ZNF438: variants seen among roughly 807,000 people sequenced by gnomAD.
ZNF438 encodes zinc finger protein 438.
ZNF438 carries 25 observed loss-of-function variants against 38.0 expected under a neutral mutation model. That is an observed-to-expected ratio of 0.66 (90% CI 0.48 to 0.92). The LOEUF (loss-of-function observed/expected upper bound fraction) is 0.92. Among genes scored for constraint, ZNF438 ranks in the 40% least tolerant of loss-of-function variants. ZNF438 has a pLI of 0.00. For missense variants in ZNF438, 1,007 were observed against 999.6 expected, an observed-to-expected ratio of 1.01 and a Z score of -0.10; for synonymous variants, 372 against 364.1, an observed-to-expected ratio of 1.02 and a Z score of -0.25.
At chr10:30,906,017 C>CT (rs1421238005) in intron 3 of ZNF438, among the ~76,000 whole-genome samples, 2 of 152,044 alleles carry the variant, frequency 1.3e-5, no homozygotes, top group Non-Finnish European at 2.9e-5. Flanking sequence ...CTTTGCTTTT[C>CT]TTTTTCAATA....
intron 4 of ZNF438, among the ~76,000 whole-genome samples, chr10:30,864,740 C>G (rs186931848): frequency 1.3e-5 from 2 of 152,314 alleles, no homozygotes; most frequent in East Asian, 3.9e-4. Flanking sequence ...TAGGCCCCAT[C>G]TCCTTCCTTT....
intron 1 of ZNF438, among the ~76,000 whole-genome samples, chr10:31,030,755 T>C (rs1468756292): frequency 6.6e-6 from 1 of 152,250 alleles, no homozygotes; most frequent in African/African-American, 2.4e-5. Flanking sequence ...CACAGTATTC[T>C]TCCCTTCAAA....
intron 4 of ZNF438, among the ~76,000 whole-genome samples, chr10:30,851,384 C>A (rs571271982): frequency 3.7e-4 from 57 of 152,348 alleles, no homozygotes; most frequent in Non-Finnish European, 5.4e-4. Context: ...GACCTGGCTG[C>A]AGAAATGTTT....
chr10:31,027,645 C>T (rs1055946992), intron 1 of ZNF438, among the ~76,000 whole-genome samples: 33 of 152,046 alleles, frequency 2.2e-4, no homozygotes, highest in African/African-American at 7.7e-4. Flanking sequence ...ATCTGATGTT[C>T]CTGGGAAACT....
At chr10:30,890,061 G>A (rs2040479032) in intron 3 of ZNF438, among the ~76,000 whole-genome samples, 1 of 128,290 alleles carries the variant, frequency 7.8e-6, no homozygotes. Flanking sequence ...ACAAAGAAAG[G>A]TTTTATTATC....
At chr10:30,994,614 C>T (rs2053858254) in intron 1 of ZNF438, among the ~76,000 whole-genome samples, 2 of 152,142 alleles carry the variant, frequency 1.3e-5, no homozygotes, top group South Asian at 2.1e-4. Context: ...TCTCAGCTTC[C>T]AGAACCATAA....
chr10:30,929,797 A>G (rs765789815), intron 2 of ZNF438, among the ~76,000 whole-genome samples: 39 of 152,124 alleles, frequency 2.6e-4, no homozygotes, highest in Non-Finnish European at 3.5e-4. Flanking sequence ...TAGACATAAA[A>G]GTTCTCCAAG....
chr10:30,980,583 T>C (rs796974243), intron 1 of ZNF438, among the ~76,000 whole-genome samples: 1 of 152,174 alleles, frequency 6.6e-6, no homozygotes, highest in South Asian at 2.1e-4. Context: ...ACATACTAAG[T>C]TTGAAATGTT....
At chr10:30,875,213 G>A in intron 4 of ZNF438, 1 of 965,444 alleles carries the variant, frequency 1.0e-6, no homozygotes, top group Non-Finnish European at 1.2e-6. Context: ...AGAGAGGTAG[G>A]CATCAGAACA....
intron 2 of ZNF438, among the ~76,000 whole-genome samples, chr10:30,935,550 C>A (rs2046157967): frequency 1.3e-5 from 2 of 152,156 alleles, no homozygotes; most frequent in African/African-American, 4.8e-5. Flanking sequence ...GCCCATGACT[C>A]AAACACCTCC....
At chr10:30,852,111 C>T (rs4749623) in intron 4 of ZNF438, among the ~76,000 whole-genome samples, 4 of 151,056 alleles carry the variant, frequency 2.6e-5, no homozygotes, top group African/African-American at 7.3e-5. Flanking sequence ...TGTAGTGAGC[C>T]GAGATCGCAC....
chr10:30,921,771 A>C (rs1310908197), intron 2 of ZNF438, among the ~76,000 whole-genome samples: 1 of 152,184 alleles, frequency 6.6e-6, no homozygotes, highest in African/African-American at 2.4e-5. Context: ...ATGCTTCTTA[A>C]GAGATATGTA....
chr10:30,991,467 C>G (rs947304141), intron 1 of ZNF438, among the ~76,000 whole-genome samples: 1 of 152,176 alleles, frequency 6.6e-6, no homozygotes, highest in Non-Finnish European at 1.5e-5. Context: ...AGGGGCAAGC[C>G]AAGAAGACAA....
chr10:30,936,874 A>C (rs957431530), intron 2 of ZNF438, among the ~76,000 whole-genome samples: 1 of 152,126 alleles, frequency 6.6e-6, no homozygotes, highest in African/African-American at 2.4e-5. Context: ...TATGCTTTGA[A>C]CTTATTCTCT....
Position 30,955,972 on chromosome 10 carries a change from C to G in ZNF438, c.-191-14321G>C, listed in dbSNP as rs116080848. Among the ~76,000 whole-genome samples, 825 of 152,252 alleles carry G rather than the reference C, an allele frequency of 5.4e-3. 6 individuals carry two copies. Among genetic ancestry groups the G allele is most frequent in the African/African-American group, 0.019 (792 of 41,540 alleles). ...ATTATTTCTGAGAGGCCAATTTTCT[C>G]TAAGATATTCTAAAACAAACAATTT... On this transcript the variant is annotated intron_variant, in intron 1 of 5. Coordinates refer to ENST00000413025, the Ensembl canonical transcript of ZNF438.
intron 3 of ZNF438, among the ~76,000 whole-genome samples, chr10:30,908,577 A>G (rs186009026): frequency 1.2e-3 from 182 of 152,340 alleles, no homozygotes; most frequent in African/African-American, 4.2e-3. Flanking sequence ...CAAGGTAGGA[A>G]ATGAATGCAG....
chr10:31,002,564 T>C (rs2054761995), intron 1 of ZNF438, among the ~76,000 whole-genome samples: 1 of 152,216 alleles, frequency 6.6e-6, no homozygotes, highest in Non-Finnish European at 1.5e-5. Flanking sequence ...TAAAAAATAT[T>C]TAGCTCTTGA....
rs115932484 is a variant in ZNF438 at position 31,008,353 on chromosome 10, T to C, written c.-192+23480A>G. On this transcript the variant is annotated intron_variant, in intron 1 of 5. Coordinates refer to ENST00000413025, the Ensembl canonical transcript of ZNF438. ...AATATACAATTCCATGGTTTTAGTATATTCAGAGTTGTGCCACAATCACCG... is the reference window on the plus strand; with the variant it reads ...AATATACAATTCCATGGTTTTAGTACATTCAGAGTTGTGCCACAATCACCG... Among the ~76,000 whole-genome samples the C allele has an allele frequency of 9.4e-3, 1,429 of 152,356 alleles. 26 individuals carry two copies. The highest frequency in any genetic ancestry group is 0.033 in the African/African-American group (1,362 of 41,580).
chr10:30,870,597 G>C (rs1389608422), intron 4 of ZNF438, among the ~76,000 whole-genome samples: 1 of 152,124 alleles, frequency 6.6e-6, no homozygotes, highest in Non-Finnish European at 1.5e-5. Context: ...ATGAGTTATA[G>C]TGCTGTGTCT....
Sources: gnomAD v4.1 joint callset for allele counts (sites outside exome capture counted in the v4.1 genomes callset) on GRCh38, gnomAD v4.1.1 for gene constraint, MANE v1.5 for transcripts, NCBI Gene and HGNC (gene_info 2026-07-23, HGNC 2026-07-21) for gene names.